HDAC9: variants seen among roughly 807,000 people sequenced by gnomAD.
The protein encoded by HDAC9 is MEF-2 interacting transcription repressor (MITR) protein.
A neutral mutation model predicts 139.4 loss-of-function variants in HDAC9; 41 were observed. That is an observed-to-expected ratio of 0.29 (90% confidence interval 0.23 to 0.38). The LOEUF (loss-of-function observed/expected upper bound fraction) is 0.38, where lower values mean the gene tolerates loss of function less well. Ranked by LOEUF, HDAC9 falls within the 10% of genes least tolerant of loss-of-function variation. The pLI, the probability that HDAC9 is intolerant of heterozygous loss-of-function variation, is 1.00. For synonymous variants in HDAC9, 517 were observed against 476.2 expected (o/e 1.09, Z -1.12); for missense variants, 1,147 against 1,297.0 (o/e 0.88, Z 1.78).
At chr7:18,901,658 A>T (rs1327258377) in intron 22 of HDAC9, among the ~76,000 whole-genome samples, 1 of 152,202 alleles carries the variant, frequency 6.6e-6, no homozygotes, top group South Asian at 2.1e-4. Flanking sequence ...CCACATATAA[A>T]TATGGCCATG....
At chr7:18,386,863 C>T (rs1785983819) in intron 1 of HDAC9, among the ~76,000 whole-genome samples, 1 of 152,196 alleles carries the variant, frequency 6.6e-6, no homozygotes, top group Admixed American at 6.5e-5. Flanking sequence ...TTGGGATACA[C>T]CACATGGCCA....
At chr7:18,748,249 C>T (rs1234066254) in intron 13 of HDAC9, among the ~76,000 whole-genome samples, 3 of 152,152 alleles carry the variant, frequency 2.0e-5, no homozygotes, top group Non-Finnish European at 2.9e-5. Context: ...TCTTTCCCAT[C>T]ATAAGGCTTA....
chr7:18,439,503 T>C (rs1002644147), intron 1 of HDAC9, among the ~76,000 whole-genome samples: 4 of 152,130 alleles, frequency 2.6e-5, no homozygotes, highest in Non-Finnish European at 5.9e-5. Context: ...GTTCCCAACA[T>C]CCTGTGCACC....
intron 22 of HDAC9, among the ~76,000 whole-genome samples, chr7:18,905,859 TTTC>T (rs1007799180): frequency 1.3e-5 from 2 of 152,052 alleles, no homozygotes; most frequent in Admixed American, 6.6e-5. Context: ...AGTTTCTTTC[TTTC>T]TTTCTTTCCT....
At chr7:18,993,728 G>T (rs191244225) in intron 25 of HDAC9, among the ~76,000 whole-genome samples, 1 of 152,032 alleles carries the variant, frequency 6.6e-6, no homozygotes, top group Admixed American at 6.5e-5. Flanking sequence ...GCTTGAGCCC[G>T]GGAGGTTGAG....
intron 17 of HDAC9, among the ~76,000 whole-genome samples, chr7:18,828,781 C>G (rs1795645927): frequency 6.6e-6 from 1 of 152,046 alleles, no homozygotes; most frequent in African/African-American, 2.4e-5. Context: ...AAACTTTGAC[C>G]CAAACCTGCA....
At chr7:18,130,449 C>G (rs1784931030) in intron 1 of HDAC9, among the ~76,000 whole-genome samples, 1 of 152,018 alleles carries the variant, frequency 6.6e-6, no homozygotes, top group South Asian at 2.1e-4. Context: ...GTTGTAGTTG[C>G]TTTTTTTGGT....
intron 1 of HDAC9, among the ~76,000 whole-genome samples, chr7:18,155,093 C>CTTTCTTTCT (rs761803907): frequency 0.094 from 13,291 of 141,492 alleles, 907 homozygotes; most frequent in African/African-American, 0.2. Context: ...TTCTTTCTTT[C>CTTTCTTTCT]TTTTTTTTTT....
intron 6 of HDAC9, among the ~76,000 whole-genome samples, chr7:18,608,268 C>A (rs1044831205): frequency 6.6e-6 from 1 of 151,864 alleles, no homozygotes; most frequent in Non-Finnish European, 1.5e-5. Context: ...TTCTTTATGG[C>A]AAAGAAATTG....
chr7:18,957,803 T>C (rs1783260530), intron 24 of HDAC9, among the ~76,000 whole-genome samples: 1 of 152,122 alleles, frequency 6.6e-6, no homozygotes, highest in Non-Finnish European at 1.5e-5. Flanking sequence ...TCCTTTCAAC[T>C]TTAGGGGGTG....
chr7:18,437,349 AGACC>A (rs1791297570), intron 1 of HDAC9, among the ~76,000 whole-genome samples: 1 of 152,160 alleles, frequency 6.6e-6, no homozygotes, highest in Non-Finnish European at 1.5e-5. Flanking sequence ...AACCAAAGTC[AGACC>A]CCTGAATCAC....
chr7:18,944,033 T>G (rs1782202291), intron 23 of HDAC9, among the ~76,000 whole-genome samples: 1 of 152,176 alleles, frequency 6.6e-6, no homozygotes, highest in Non-Finnish European at 1.5e-5. Flanking sequence ...CAAGAATGAC[T>G]CATGAATCAC....
chr7:18,872,614 TG>T (rs1799013959), intron 21 of HDAC9, among the ~76,000 whole-genome samples: 1 of 152,172 alleles, frequency 6.6e-6, no homozygotes, highest in Non-Finnish European at 1.5e-5. Context: ...ACTTGCTTTT[TG>T]TGGCTTCTCT....
intron 1 of HDAC9, among the ~76,000 whole-genome samples, chr7:18,330,993 T>A (rs1330417957): frequency 6.6e-6 from 1 of 151,708 alleles, no homozygotes; most frequent in East Asian, 1.9e-4. Flanking sequence ...CAGTAATACA[T>A]GAATACAATT....
intron 12 of HDAC9, among the ~76,000 whole-genome samples, chr7:18,691,408 T>C (rs908361269): frequency 1.3e-5 from 2 of 152,062 alleles, no homozygotes; most frequent in Non-Finnish European, 2.9e-5. Flanking sequence ...TTATATTCAT[T>C]TAAGTACCAA....
intron 2 of HDAC9, 128 bp downstream of exon 2, chr7:18,496,452 G>T: frequency 2.6e-6 from 2 of 778,764 alleles, no homozygotes. Context: ...TATTTTCTTG[G>T]TGCGTCTGTA....
intron 12 of HDAC9, among the ~76,000 whole-genome samples, chr7:18,683,518 AG>A (rs1782038971): frequency 6.6e-6 from 1 of 151,970 alleles, no homozygotes. Flanking sequence ...GACTGAAAGT[AG>A]GAAGGATCTT....
intron 6 of HDAC9, among the ~76,000 whole-genome samples, chr7:18,626,216 G>A (rs1054903897): frequency 1.3e-5 from 2 of 152,150 alleles, no homozygotes; most frequent in African/African-American, 2.4e-5. Context: ...CTTCCAGAGG[G>A]AGATGAAGTC....
chr7:18,227,878 C>A, intron 2 of HDAC9, among the ~76,000 whole-genome samples: 1 of 152,114 alleles, frequency 6.6e-6, no homozygotes, highest in Non-Finnish European at 1.5e-5. Flanking sequence ...GAATTATACT[C>A]TTTGAATGTC....
Sources: gnomAD v4.1 joint callset for allele counts (sites outside exome capture counted in the v4.1 genomes callset) on GRCh38, gnomAD v4.1.1 for gene constraint, MANE v1.5 for transcripts, NCBI Gene and HGNC (gene_info 2026-07-23, HGNC 2026-07-21) for gene names.